Variants in TTN observed in about 807,000 individuals in gnomAD.
TTN encodes titin.
A neutral mutation model predicts 3,223.0 loss-of-function variants in TTN; 1,525 were observed. That is an observed-to-expected ratio of 0.47 (90% CI 0.45 to 0.49). The LOEUF is 0.49. Ranked by LOEUF, TTN falls within the 20% of genes least tolerant of loss-of-function variation. TTN has a pLI of 0.00. For synonymous variants in TTN, 14,094 were observed against 15,161.0 expected (o/e 0.93, Z 5.17); for missense variants, 40,786 against 43,424.0 (o/e 0.94, Z 5.40).
In TTN at chr2:178,730,772, A is replaced by G. The variant is rs758858348; in HGVS notation, c.17761T>C (p.Phe5921Leu). 5 of 1,604,138 alleles carry G rather than the reference A, an allele frequency of 3.1e-6. No individual in the cohort carries two copies. The highest frequency in any genetic ancestry group is 1.1e-5 in the South Asian group (1 of 89,984). The change falls in exon 61 of 363, where the codon TTC becomes CTC. Residue 5921 changes from phenylalanine (F) to leucine (L), a missense_variant. Transcript: ENST00000589042. ...TCCATTTTCTTCAGCTTTTTGGTGA[A>G]TGAAGGAGGTATGATAAGATCTATT... The part of the protein sequence containing the change: ...NVLDLIIPPS[F>L]TKKLKKMDSI...
chr2:178,753,276 T>A (rs1471271097), intron 46 of TTN, 96 bp from the exon 47 acceptor site: 1 of 1,039,384 alleles, frequency 9.6e-7, no homozygotes, highest in Non-Finnish European at 1.4e-6. Flanking sequence ...TTCTTTTTAT[T>A]ATAACAACAG....
Position 178,600,908 on chromosome 2 carries a change from C to T in TTN, c.55996G>A (p.Gly18666Arg), listed in dbSNP as rs779053249. The change falls in exon 288 of 363, where the codon GGA (glycine) becomes AGA (arginine). Residue 18666 changes from glycine to arginine, a missense_variant. Physicochemically the swap from Gly to Arg is moderately radical, Grantham distance 125. Coordinates refer to ENST00000589042, the MANE Select transcript of TTN (RefSeq NM_001267550.2). Reference protein sequence around the residue: ...EFRVKAVNAAGVSKPSATVGP... With the variant: ...EFRVKAVNAARVSKPSATVGP... ...ACAGTGGCTGAAGGCTTGCTGACTC[C>T]TGCAGCATTGACAGCTTTGACTCGG... The T allele has an allele frequency of 2.5e-6, 4 of 1,612,988 alleles. No individual in the cohort carries two copies. Among genetic ancestry groups the T allele is most frequent in the Non-Finnish European group, 3.4e-6 (4 of 1,179,274 alleles).
At position 178,712,475 on chromosome 2, in the gene TTN, G is replaced by T. The variant is rs1560580375; in HGVS notation, c.27447C>A (p.Gly9149=). 1 of 1,613,638 alleles carries T rather than the reference G, an allele frequency of 6.2e-7. No homozygotes were observed. Among genetic ancestry groups the T allele is most frequent in the Non-Finnish European group, 8.5e-7 (1 of 1,179,788 alleles). Residue 9149 remains glycine (G), a synonymous_variant, in exon 95 of 363, where the codon GGC becomes GGA. Coordinates refer to ENST00000589042, the MANE Select transcript of TTN (RefSeq NM_001267550.2). Reference sequence around the variant, plus strand: ...ACCTCTGAGAAGGAGTTACATTTATGCCATTTTTCTTCCAGGTAACCGAAA... The same window carrying T: ...ACCTCTGAGAAGGAGTTACATTTATTCCATTTTTCTTCCAGGTAACCGAAA... ...PPISVTWKKN[G]INVTPSQRCN... is the part of the protein sequence containing the mutation.
chr2:178,584,292 A>G lies in TTN; in HGVS notation c.65259T>C (p.Thr21753=). Residue 21753 remains threonine (T), a synonymous_variant, in exon 311 of 363, where the codon ACT becomes ACC. Coordinates refer to ENST00000589042, the MANE Select transcript of TTN (RefSeq NM_001267550.2). ...AAAACTTACCAACTGGCATTCTTGC[A>G]GTTACATATTCTGTGGGTTTGCTGG... is the stretch of plus-strand genomic sequence containing the variant. ...SPPSKPTEYV[T]ARMPVDPPGK... 1.3e-6 allele frequency: 2 copies of G among 1,564,646 alleles called. No homozygotes were observed. The highest frequency in any genetic ancestry group is 1.7e-6 in the Non-Finnish European group (2 of 1,154,516).
chr2:178,652,344 G>T lies in TTN; in HGVS notation c.39131C>A (p.Pro13044His), dbSNP rs1007773717. The change falls in exon 203 of 363, where the codon CCT becomes CAT. Residue 13044 changes from proline (P) to histidine (H), a missense_variant. Pro to His is a moderately conservative substitution (Grantham distance 77). Transcript: ENST00000589042. ...AGGAACAACTTCTTTGGGAGCCTCA[G>T]GCACTTGAAAGATAATAGTGAAATT... ...KKPEVTPVKVPEAPKEVVPEK... is the reference protein window; with the variant it reads ...KKPEVTPVKVHEAPKEVVPEK... The T allele has an allele frequency of 2.5e-6, 4 of 1,613,652 alleles. No homozygotes were observed. Among genetic ancestry groups the T allele is most frequent in the Non-Finnish European group, 3.4e-6 (4 of 1,179,706 alleles).
chr2:178,669,732 T>C, intron 157 of TTN, 57 bp from the exon 158 acceptor site: 2 of 1,566,410 alleles, frequency 1.3e-6, no homozygotes, highest in Non-Finnish European at 1.8e-6. Context: ...GGTGTAAACA[T>C]AGCAAGCCTA....
Position 178,542,752 on chromosome 2 carries a change from C to T in TTN, c.97102G>A (p.Glu32368Lys), listed in dbSNP as rs1695208937. 1 of 1,613,660 alleles carries T rather than the reference C, an allele frequency of 6.2e-7. No homozygotes were observed. Among genetic ancestry groups the T allele is most frequent in the African/African-American group, 1.3e-5 (1 of 74,894 alleles). The change falls in exon 348 of 363, where the codon GAA becomes AAA. Residue 32368 changes from glutamate to lysine, a missense_variant. By Grantham distance (56) the Glu-to-Lys change is moderately conservative (BLOSUM62 1). Transcript: ENST00000589042. ...TCTCCAGTATCTCTGATAGTGGTTTCACGGATGGTTAATTTAGCTACTTTA... is the reference window on the plus strand; with the variant it reads ...TCTCCAGTATCTCTGATAGTGGTTTTACGGATGGTTAATTTAGCTACTTTA... Reference protein sequence around the residue: ...HTKVAKLTIRETTIRDTGEYT... With the variant: ...HTKVAKLTIRKTTIRDTGEYT...
chr2:178,782,632 A>T (rs1241975577), intron 18 of TTN, 30 bp from the exon 19 acceptor site: 26 of 1,612,632 alleles, frequency 1.6e-5, no homozygotes, highest in South Asian at 5.5e-5. Context: ...TCTCATTGAG[A>T]TGAGATGTTT....
chr2:178,756,042 T>TC (rs1308138073), intron 46 of TTN, among the ~76,000 whole-genome samples, 180 bp downstream of exon 46: 1 of 152,230 alleles, frequency 6.6e-6, no homozygotes, highest in Non-Finnish European at 1.5e-5. Flanking sequence ...GACTGGTAAG[T>TC]TAAATTTTCA....
chr2:178,642,860 T>C (rs555222535), intron 218 of TTN, among the ~76,000 whole-genome samples: 104 of 152,066 alleles, frequency 6.8e-4, no homozygotes, highest in African/African-American at 2.3e-3. Flanking sequence ...CTTTTTGAAA[T>C]AATGCTGGAT....
At chr2:178,774,715 C>A in intron 29 of TTN, 1 of 713,234 alleles carries the variant, frequency 1.4e-6, no homozygotes, top group South Asian at 2.3e-5. Context: ...AGCTAAAAAT[C>A]AAGATAATAC....
rs878865997 is a variant in TTN at position 178,565,537 on chromosome 2, T to G, written c.80595A>C (p.Arg26865Ser). 2 of 1,613,452 alleles carry G rather than the reference T, an allele frequency of 1.2e-6. No individual in the cohort carries two copies. Among genetic ancestry groups the G allele is most frequent in the Non-Finnish European group, 1.7e-6 (2 of 1,179,630 alleles). The change falls in exon 326 of 363, where the codon AGA becomes AGC. Residue 26865 changes from arginine to serine, a missense_variant. Arg to Ser is a moderately radical substitution (Grantham distance 110). Coordinates refer to ENST00000589042, the MANE Select transcript of TTN (RefSeq NM_001267550.2). ...AYNEKGKSDP[R>S]VLGVPVIAKD... ...TGGCTATGACAGGAACACCCAACACTCTTGGATCGCTTTTTCCTTTCTCAT... is the reference window on the plus strand; with the variant it reads ...TGGCTATGACAGGAACACCCAACACGCTTGGATCGCTTTTTCCTTTCTCAT...
rs2056324929 is a variant in TTN at position 178,611,541 on chromosome 2, A to G, written c.50688T>C (p.Thr16896=). ...GYHVEMCPVG[T]EKWMRVNSRP... is the part of the protein sequence containing the mutation. Reference sequence around the variant, plus strand: ...GAGAATTAACTCTCATCCATTTCTCAGTGCCTACTGGACACATTTCAACAT... The same window carrying G: ...GAGAATTAACTCTCATCCATTTCTCGGTGCCTACTGGACACATTTCAACAT... The change falls in exon 269 of 363, where the codon ACT becomes ACC. Residue 16896 remains threonine, a synonymous_variant. Coordinates refer to ENST00000589042, the MANE Select transcript of TTN (RefSeq NM_001267550.2). The G allele has an allele frequency of 6.2e-7, 1 of 1,613,072 alleles. No individual in the cohort carries two copies. Among genetic ancestry groups the G allele is most frequent in the Non-Finnish European group, 8.5e-7 (1 of 1,179,324 alleles).
chr2:178,764,411 G>T (rs531239825), intron 42 of TTN, 109 bp from the exon 43 acceptor site: 2 of 1,610,114 alleles, frequency 1.2e-6, no homozygotes, highest in South Asian at 1.1e-5. Context: ...TGCTTTCAAA[G>T]TTGGGTAGCA....
Position 178,547,658 on chromosome 2 carries a change from G to C in TTN, c.93968C>G (p.Ala31323Gly). Reference sequence around the variant, plus strand: ...TCCCCATGACAGGACACACGATTCAGCTGAGACAGATGAGACCTCAATGGG... The same window carrying C: ...TCCCCATGACAGGACACACGATTCACCTGAGACAGATGAGACCTCAATGGG... ...TGPIEVSSVS[A>G]ESCVLSWGEP... Residue 31323 changes from alanine (A) to glycine (G), a missense_variant, in exon 339 of 363, where the codon GCT becomes GGT. Physicochemically the swap from Ala to Gly is moderately conservative, Grantham distance 60 (BLOSUM62 0). Transcript: ENST00000589042. 6.2e-7 allele frequency: 1 copy of C among 1,613,896 alleles called. No homozygotes were observed. Among genetic ancestry groups the C allele is most frequent in the Non-Finnish European group, 8.5e-7 (1 of 1,179,812 alleles).
intron 1 of TTN, among the ~76,000 whole-genome samples, chr2:178,806,630 G>A (rs903207519): frequency 1.3e-5 from 2 of 152,106 alleles, no homozygotes; most frequent in Non-Finnish European, 1.5e-5. Flanking sequence ...TATTGCCTTA[G>A]CACTTGCTCT....
Position 178,775,965 on chromosome 2 carries a change from G to A in TTN, c.5899C>T (p.Pro1967Ser). 6.2e-7 allele frequency: 1 copy of A among 1,614,110 alleles called. No homozygotes were observed. The highest frequency in any genetic ancestry group is 8.5e-7 in the Non-Finnish European group (1 of 1,179,998). Residue 1967 changes from proline (P) to serine (S), a missense_variant, in exon 28 of 363, where the codon CCT (proline) becomes TCT (serine). Pro to Ser is a moderately conservative substitution (Grantham distance 74, BLOSUM62 -1). Transcript: ENST00000589042. ...LQFEVQKVDR[P>S]VDTTETKEVV... ...TCTTTGGTTTCAGTGGTGTCAACAG[G>A]TCTATCCACTTTTTGTACTTCAAAC...
Position 178,583,233 on chromosome 2 carries a change from A to C in TTN, c.65576-6T>G, listed in dbSNP as rs774331345. On this transcript the variant is annotated splice_region_variant and splice_polypyrimidine_tract_variant and intron_variant, in intron 312 of 362. Coordinates refer to ENST00000589042, the MANE Select transcript of TTN (RefSeq NM_001267550.2). The stretch of plus-strand genomic sequence containing the variant: ...CAGGTCTATCCTGGGAGGGACTGGA[A>C]AGAAATAAGATAAAGGACTTAATGT... The C allele has an allele frequency of 1.3e-6, 2 of 1,560,704 alleles. No homozygotes were observed. The highest frequency in any genetic ancestry group is 1.7e-6 in the Non-Finnish European group (2 of 1,152,430).
At chr2:178,803,395 CTGAG>C (rs138173638) in intron 2 of TTN, among the ~76,000 whole-genome samples, 2,594 of 151,950 alleles carry the variant, frequency 0.017, 69 homozygotes, top group African/African-American at 0.058. Context: ...TCAGAAGTTA[CTGAG>C]TGTTACCAGA....
Sources: allele counts gnomAD v4.1 joint callset (sites outside exome capture counted in the v4.1 genomes callset), GRCh38; gene constraint gnomAD v4.1.1; transcripts MANE v1.5; gene names NCBI Gene and HGNC (gene_info 2026-07-23, HGNC 2026-07-21).